Variants in LMNTD1 observed in about 807,000 individuals in gnomAD.
LMNTD1 encodes the protein lamin tail domain-containing protein 1.
Under a neutral mutation model 50.9 loss-of-function variants are expected in LMNTD1, and 35 were observed. That is an observed-to-expected ratio of 0.69 (90% CI 0.53 to 0.91). The LOEUF (loss-of-function observed/expected upper bound fraction) is 0.91. LMNTD1 is among the 40% of genes least tolerant of loss of function. The pLI, the probability that LMNTD1 is intolerant of heterozygous loss-of-function variation, is 0.00. For missense variants in LMNTD1, 470 were observed against 475.5 expected (o/e 0.99, Z 0.11); for synonymous variants, 153 against 161.9 (o/e 0.94, Z 0.42).
At chr12:25,532,404 AT>A (rs955515750) in intron 4 of LMNTD1, among the ~76,000 whole-genome samples, 4 of 151,920 alleles carry the variant, frequency 2.6e-5, no homozygotes, top group South Asian at 2.1e-4. Context: ...GTGACCCTCC[AT>A]TTTTTTTATA....
chr12:25,496,212 G>A (rs549160534), intron 9 of LMNTD1, among the ~76,000 whole-genome samples: 1 of 152,256 alleles, frequency 6.6e-6, no homozygotes, highest in Non-Finnish European at 1.5e-5. Context: ...TCTGTTAGGG[G>A]TGAGATGGCT....
intron 4 of LMNTD1, among the ~76,000 whole-genome samples, chr12:25,537,798 C>G (rs2136165644): frequency 6.6e-6 from 1 of 152,024 alleles, no homozygotes; most frequent in Non-Finnish European, 1.5e-5. Context: ...ACATTCAAAC[C>G]AAAGGCAAAG....
chr12:25,542,664 A>G (rs1345170793), intron 4 of LMNTD1, among the ~76,000 whole-genome samples: 2 of 151,892 alleles, frequency 1.3e-5, no homozygotes, highest in African/African-American at 4.8e-5. Context: ...TGGCATATGT[A>G]TACATATGTA....
intron 1 of LMNTD1, among the ~76,000 whole-genome samples, chr12:25,645,232 G>A (rs183382035): frequency 2.5e-4 from 38 of 152,284 alleles, no homozygotes; most frequent in Admixed American, 7.2e-4. Flanking sequence ...AGAAAATTGA[G>A]CATGTTTTCA....
At chr12:25,620,989 A>G (rs1297198352) in intron 1 of LMNTD1, among the ~76,000 whole-genome samples, 1 of 152,206 alleles carries the variant, frequency 6.6e-6, no homozygotes, top group East Asian at 1.9e-4. Flanking sequence ...GGTAAGTGGC[A>G]GGGAAGAGAT....
chr12:25,519,084 A>C (rs1438212254), intron 7 of LMNTD1, 117 bp from the exon 8 acceptor site: 2 of 932,656 alleles, frequency 2.1e-6, no homozygotes, highest in African/African-American at 3.3e-5. Context: ...TGACTTTTTA[A>C]ACTTTGTGGG....
intron 8 of LMNTD1, among the ~76,000 whole-genome samples, chr12:25,512,991 T>C (rs1940424035): frequency 6.6e-6 from 1 of 152,196 alleles, no homozygotes; most frequent in Non-Finnish European, 1.5e-5. Context: ...TGTCACATCG[T>C]ATTTAATCCT....
chr12:25,606,905 C>T (rs867233909), intron 1 of LMNTD1, among the ~76,000 whole-genome samples: 7 of 152,178 alleles, frequency 4.6e-5, no homozygotes, highest in South Asian at 2.1e-4. Context: ...TCAGAAGGAA[C>T]GGTATCAGCT....
chr12:25,516,053 A>G (rs1168027504), intron 8 of LMNTD1, among the ~76,000 whole-genome samples: 1 of 152,174 alleles, frequency 6.6e-6, no homozygotes, highest in African/African-American at 2.4e-5. Context: ...CCCTTGAAGA[A>G]TCATGTTACA....
chr12:25,640,088 T>G (rs1946920312), intron 1 of LMNTD1, among the ~76,000 whole-genome samples: 1 of 152,164 alleles, frequency 6.6e-6, no homozygotes, highest in African/African-American at 2.4e-5. Context: ...AAAGTCCAAA[T>G]TAGGCAAATC....
intron 9 of LMNTD1, among the ~76,000 whole-genome samples, chr12:25,500,473 G>C (rs1183674996): frequency 2.6e-5 from 4 of 152,152 alleles, no homozygotes; most frequent in Non-Finnish European, 1.5e-5. Context: ...TTCATGAAAA[G>C]ACTCCATCAC....
chr12:25,560,254 T>C (rs1043247196), intron 1 of LMNTD1, among the ~76,000 whole-genome samples: 9 of 152,236 alleles, frequency 5.9e-5, no homozygotes, highest in Non-Finnish European at 1.3e-4. Flanking sequence ...TTCAGCTTTC[T>C]ACATATGGCC....
chr12:25,587,451 G>A (rs975156853), intron 1 of LMNTD1, among the ~76,000 whole-genome samples: 11 of 152,250 alleles, frequency 7.2e-5, no homozygotes, highest in Admixed American at 1.3e-4. Flanking sequence ...GGCGAGAGCA[G>A]AAGCAAGAGA....
chr12:25,641,030 A>G (rs1257260421), intron 1 of LMNTD1, among the ~76,000 whole-genome samples: 1 of 152,142 alleles, frequency 6.6e-6, no homozygotes, highest in Non-Finnish European at 1.5e-5. Flanking sequence ...TCATACTACA[A>G]ACATTTACAG....
At chr12:25,621,007 C>G (rs147617671) in intron 1 of LMNTD1, among the ~76,000 whole-genome samples, 1 of 152,174 alleles carries the variant, frequency 6.6e-6, no homozygotes, top group South Asian at 2.1e-4. Context: ...GATTCAAACC[C>G]AGGTGAACTG....
chr12:25,482,805 C>G (rs1379547838), intron 9 of LMNTD1, among the ~76,000 whole-genome samples: 1 of 151,968 alleles, frequency 6.6e-6, no homozygotes, highest in Non-Finnish European at 1.5e-5. Context: ...GCTTAGGAAA[C>G]AGCTGTTGAC....
chr12:25,518,795 C>G lies in LMNTD1; in HGVS notation c.1189G>C (p.Gly397Arg). The G allele has an allele frequency of 1.2e-6, 2 of 1,613,990 alleles. No homozygotes were observed. The highest frequency in any genetic ancestry group is 1.7e-6 in the Non-Finnish European group (2 of 1,179,918). The change falls in exon 8 of 10, where the codon GGG becomes CGG. Residue 397 changes from glycine to arginine, a missense_variant and splice_region_variant. By Grantham distance (125) the Gly-to-Arg change is moderately radical. Transcript: ENST00000458174. ...TGGAACAAGCACTCTTTTAACTGAC[C>G]TGAGGCTCGATTAGGTCTGGTTGAC... The part of the protein sequence containing the change: ...TRSTRPNRAS[G>R]SKKKKTSESQ...
chr12:25,647,095 C>T (rs11830136), intron 1 of LMNTD1, among the ~76,000 whole-genome samples: 3,138 of 152,196 alleles, frequency 0.021, 121 homozygotes, highest in African/African-American at 0.071. Flanking sequence ...TTTTCCAAAA[C>T]GATTGAATAG....
intron 1 of LMNTD1, among the ~76,000 whole-genome samples, chr12:25,598,597 C>G (rs1945892047): frequency 6.6e-6 from 1 of 151,586 alleles, no homozygotes; most frequent in Non-Finnish European, 1.5e-5. Context: ...ACAAAATTGA[C>G]ACGCTTTTAA....
Sources: gnomAD v4.1 joint callset for allele counts (sites outside exome capture counted in the v4.1 genomes callset) on GRCh38, gnomAD v4.1.1 for gene constraint, MANE v1.5 for transcripts, NCBI Gene and HGNC (gene_info 2026-07-23, HGNC 2026-07-21) for gene names.